Variants in STAG1 observed in about 807,000 individuals in gnomAD.
STAG1 encodes the protein STAG1 cohesin complex component.
A neutral mutation model predicts 170.9 loss-of-function variants in STAG1; 26 were observed. That is an observed-to-expected ratio of 0.15 (90% CI 0.11 to 0.21). The LOEUF is 0.21. Among genes scored for constraint, STAG1 ranks in the 10% least tolerant of loss-of-function variants. The pLI is 1.00. For missense variants in STAG1, 964 were observed against 1,509.5 expected (o/e 0.64, Z 5.99); for synonymous variants, 514 against 497.7 (o/e 1.03, Z -0.44).
At chr3:136,657,732 G>C (rs1282507960) in intron 1 of STAG1, among the ~76,000 whole-genome samples, 1 of 152,142 alleles carries the variant, frequency 6.6e-6, no homozygotes, top group Non-Finnish European at 1.5e-5. Flanking sequence ...TTAAGTGGGA[G>C]GACTACTTGA....
chr3:136,524,988 TCA>T lies in STAG1; in HGVS notation c.472-3573_472-3572del, dbSNP rs534605469. On this transcript the variant is annotated intron_variant, in intron 6 of 33. Coordinates refer to ENST00000383202, the MANE Select transcript of STAG1 (RefSeq NM_005862.3). ...TGAACTTTTTGATGTGCTGCCAGAT[TCA>T]GTTTGCCGGTATTTTATTGAGGACT... Among the ~76,000 whole-genome samples the T allele has an allele frequency of 2.6e-5, 4 of 152,316 alleles. No individual in the cohort carries two copies. The East Asian group carries it at 7.7e-4, about 29-fold the overall frequency.
At chr3:136,564,443 G>C (rs1489189414) in intron 5 of STAG1, among the ~76,000 whole-genome samples, 1 of 152,190 alleles carries the variant, frequency 6.6e-6, no homozygotes, top group Non-Finnish European at 1.5e-5. Context: ...TAGGTAAAAA[G>C]AAATGGTAAC....
intron 28 of STAG1, among the ~76,000 whole-genome samples, chr3:136,351,431 T>A (rs995160087): frequency 6.6e-6 from 1 of 152,048 alleles, no homozygotes; most frequent in Admixed American, 6.6e-5. Context: ...AAAAATAAAA[T>A]AAAAAATAAA....
At chr3:136,627,156 A>T (rs1436455578) in intron 2 of STAG1, among the ~76,000 whole-genome samples, 1 of 152,244 alleles carries the variant, frequency 6.6e-6, no homozygotes, top group African/African-American at 2.4e-5. Flanking sequence ...AGTCAGCTTA[A>T]ACAGTGAGAA....
At chr3:136,420,224 G>A (rs2087910501) in intron 20 of STAG1, among the ~76,000 whole-genome samples, 1 of 142,504 alleles carries the variant, frequency 7.0e-6, no homozygotes, top group Admixed American at 7.3e-5. Context: ...TCCAGTCTGG[G>A]CGACAGAGTG....
Position 136,605,446 on chromosome 3 carries a change from C to T in STAG1, c.133-973G>A, listed in dbSNP as rs114077926. Among the ~76,000 whole-genome samples the T allele has an allele frequency of 7.7e-3, 1,172 of 152,300 alleles. 19 individuals are homozygous for T. Among genetic ancestry groups the T allele is most frequent in the African/African-American group, 0.027 (1,140 of 41,562 alleles). ...CACATACAAACTCATTCTACAGTTG[C>T]TACTTCACCAAACTCACCAGTGACA... On this transcript the variant is annotated intron_variant, in intron 3 of 33. Transcript: ENST00000383202.
chr3:136,488,898 C>T (rs2090068795), intron 9 of STAG1, among the ~76,000 whole-genome samples: 1 of 152,180 alleles, frequency 6.6e-6, no homozygotes, highest in Non-Finnish European at 1.5e-5. Flanking sequence ...AACAACTAAT[C>T]TCTATTTCCA....
intron 15 of STAG1, among the ~76,000 whole-genome samples, chr3:136,435,599 G>C (rs991968600): frequency 6.6e-6 from 1 of 151,930 alleles, no homozygotes; most frequent in African/African-American, 2.4e-5. Flanking sequence ...TAGCTTTTCA[G>C]TTTTGAGATC....
At chr3:136,498,333 C>T (rs1350325357) in intron 9 of STAG1, among the ~76,000 whole-genome samples, 7 of 143,308 alleles carry the variant, frequency 4.9e-5, no homozygotes, top group East Asian at 4.1e-4. Context: ...CGGCTAGCAA[C>T]GCATTCAATG....
chr3:136,401,663 GC>G (rs567023879), intron 21 of STAG1, among the ~76,000 whole-genome samples: 126 of 152,108 alleles, frequency 8.3e-4, no homozygotes, highest in African/African-American at 3.0e-3. Flanking sequence ...TGTCTCCCGG[GC>G]CTTGGATAGA....
intron 1 of STAG1, among the ~76,000 whole-genome samples, chr3:136,690,990 T>G (rs1222869898): frequency 4.0e-5 from 6 of 151,580 alleles, no homozygotes; most frequent in African/African-American, 1.2e-4. Flanking sequence ...TGCATTTTCT[T>G]TCTTTTCACA....
At chr3:136,613,313 C>CAAAAAAAAAAAAAAAAAAAAAA (rs60449608) in intron 3 of STAG1, among the ~76,000 whole-genome samples, 1 of 59,758 alleles carries the variant, frequency 1.7e-5, no homozygotes, top group Non-Finnish European at 2.8e-5. Context: ...GACTCCGTCT[C>CAAAAAAAAAAAAAAAAAAAAAA]AAAAAAAAAA....
At chr3:136,589,208 G>A (rs1247712691) in intron 4 of STAG1, among the ~76,000 whole-genome samples, 4 of 152,084 alleles carry the variant, frequency 2.6e-5, no homozygotes, top group African/African-American at 9.7e-5. Flanking sequence ...TCTTTAAAAA[G>A]CCAATCAAGG....
chr3:136,684,485 C>G (rs965222751), intron 1 of STAG1, among the ~76,000 whole-genome samples: 4 of 152,170 alleles, frequency 2.6e-5, no homozygotes, highest in Non-Finnish European at 4.4e-5. Flanking sequence ...TGCATTGGCT[C>G]GCGCCTGTAA....
intron 4 of STAG1, among the ~76,000 whole-genome samples, chr3:136,576,297 C>A (rs751219965): frequency 6.6e-6 from 1 of 152,138 alleles, no homozygotes; most frequent in Non-Finnish European, 1.5e-5. Context: ...CTCACACACA[C>A]ATACATATAA....
intron 7 of STAG1, among the ~76,000 whole-genome samples, chr3:136,520,495 G>GA (rs896845214): frequency 6.6e-6 from 1 of 151,610 alleles, no homozygotes; most frequent in Non-Finnish European, 1.5e-5. Flanking sequence ...CATTATGAAT[G>GA]AAAAAAATAG....
intron 1 of STAG1, among the ~76,000 whole-genome samples, chr3:136,727,227 A>C (rs941751281): frequency 7.2e-5 from 11 of 152,148 alleles, no homozygotes; most frequent in Non-Finnish European, 1.3e-4. Flanking sequence ...TATAACTTGG[A>C]CAGCCTTAAG....
At chr3:136,386,552 A>G (rs985059894) in intron 22 of STAG1, among the ~76,000 whole-genome samples, 11 of 152,192 alleles carry the variant, frequency 7.2e-5, no homozygotes, top group African/African-American at 2.7e-4. Flanking sequence ...AAACTGTATG[A>G]TTACAGTCAG....
At chr3:136,360,836 T>C (rs1474546364) in intron 26 of STAG1, among the ~76,000 whole-genome samples, 1 of 152,068 alleles carries the variant, frequency 6.6e-6, no homozygotes. Flanking sequence ...ACCCAGCTAA[T>C]TTTTTGTATT....
Sources: gnomAD v4.1 joint callset for allele counts (sites outside exome capture counted in the v4.1 genomes callset) on GRCh38, gnomAD v4.1.1 for gene constraint, MANE v1.5 for transcripts, NCBI Gene and HGNC (gene_info 2026-07-23, HGNC 2026-07-21) for gene names.